Variants in KLF16 observed in about 807,000 individuals in gnomAD.
The protein encoded by KLF16 is KLF transcription factor 16.
A neutral mutation model predicts 6.1 loss-of-function variants in KLF16; 6 were observed. The ratio of observed to expected loss-of-function variants is 0.98; its 90% CI spans 0.54 to 1.93. The LOEUF (loss-of-function observed/expected upper bound fraction) is 1.93, where lower values mean the gene tolerates loss of function less well. Among genes scored for constraint, KLF16 ranks in the 30% most tolerant of loss-of-function variants. KLF16 has a pLI of 0.01. For missense variants in KLF16, 355 were observed against 363.8 expected, an observed-to-expected ratio of 0.98 and a Z score of 0.20; for synonymous variants, 211 against 176.5, an observed-to-expected ratio of 1.20 and a Z score of -1.55.
chr19:1,854,879 C>T (rs2032094311), intron 1 of KLF16, 119 bp from the exon 2 acceptor site: 1 of 1,086,968 alleles, frequency 9.2e-7, no homozygotes, highest in Non-Finnish European at 1.3e-6. Context: ...AGAGGCTGAG[C>T]TCTGGTGTGA....
chr19:1,860,136 C>T (rs1488676245), intron 1 of KLF16: 1 of 151,198 alleles, frequency 6.6e-6, no homozygotes, highest in African/African-American at 2.4e-5. Flanking sequence ...GGGGGCCCTC[C>T]GGGGATGCAG....
chr19:1,861,018 G>C (rs952537229), intron 1 of KLF16, among the ~76,000 whole-genome samples: 4 of 152,086 alleles, frequency 2.6e-5, no homozygotes, highest in African/African-American at 2.4e-5. Flanking sequence ...CAGGGTAGAC[G>C]GTGGCGCGCC....
At chr19:1,872,519 T>C in the KLF16 span, among the ~76,000 whole-genome samples, 1 of 152,142 alleles carries the variant, frequency 6.6e-6, no homozygotes, top group Admixed American at 6.5e-5. Context: ...TCCGTGAGGC[T>C]ATTGGGGAGG....
At position 1,857,701 on chromosome 19, in the gene KLF16, G is replaced by A. The variant is rs527368235; in HGVS notation, c.458-2941C>T. Among the ~76,000 whole-genome samples the A allele has an allele frequency of 6.6e-6, 1 of 152,014 alleles. No homozygotes were observed. The highest frequency in any genetic ancestry group is 1.5e-5 in the Non-Finnish European group (1 of 67,972). On this transcript the variant is annotated intron_variant, in intron 1 of 1. Transcript: ENST00000250916. This position sits in a 1 kb window ranked among gnomAD's most constrained non-coding sequence, Gnocchi z 4.7. Reference sequence around the variant, plus strand: ...GGGGCTGTGGCCGGCTGCCTGCCGGGGCACTCACGTCCACCTAACAGGTGG... The same window carrying A: ...GGGGCTGTGGCCGGCTGCCTGCCGGAGCACTCACGTCCACCTAACAGGTGG...
intron 1 of KLF16, among the ~76,000 whole-genome samples, chr19:1,859,697 AC>A (rs1179041309): frequency 2.6e-5 from 4 of 151,416 alleles, no homozygotes; most frequent in Non-Finnish European, 4.4e-5. Context: ...CCCTGTTGCC[AC>A]CCCCCACCCC....
chr19:1,857,463 C>T lies in KLF16; in HGVS notation c.458-2703G>A, dbSNP rs774991699. ...GGCCGCGGTGGACTTGACCCTCTGA[C>T]TCAGGCTGGGCCCGGGTGAGCTCAG... On this transcript the variant is annotated intron_variant, in intron 1 of 1. Coordinates refer to ENST00000250916, the MANE Select transcript of KLF16 (RefSeq NM_031918.4). The surrounding 1 kb of genome is among the most constrained non-coding windows in gnomAD (Gnocchi z 4.7). 4.6e-5 allele frequency among the ~76,000 whole-genome samples: 7 copies of T among 152,200 alleles called. No homozygotes were observed. Among genetic ancestry groups the T allele is most frequent in the Non-Finnish European group, 8.8e-5 (6 of 68,028 alleles).
At chr19:1,865,981 T>G (rs2145373661), upstream of KLF16, among the ~76,000 whole-genome samples, 1 of 152,180 alleles carries the variant, frequency 6.6e-6, no homozygotes, top group South Asian at 2.1e-4. Flanking sequence ...CGGGGCAACG[T>G]AATGAAACCC....
intron 1 of KLF16, among the ~76,000 whole-genome samples, chr19:1,858,869 G>A (rs973442978): frequency 1.3e-5 from 2 of 151,980 alleles, no homozygotes; most frequent in Non-Finnish European, 2.9e-5. Flanking sequence ...CGCCCCCACA[G>A]CTCACCCTGC....
At chr19:1,856,394 C>T (rs75467743) in intron 1 of KLF16, among the ~76,000 whole-genome samples, 4 of 152,176 alleles carry the variant, frequency 2.6e-5, no homozygotes, top group African/African-American at 9.7e-5. Context: ...TGCCACACCC[C>T]GACACCCTCA....
At chr19:1,873,514 C>T in the KLF16 span, among the ~76,000 whole-genome samples, 1 of 151,834 alleles carries the variant, frequency 6.6e-6, no homozygotes, top group Non-Finnish European at 1.5e-5. Context: ...CACCCAGGGC[C>T]CCGTGCTGGG....
At chr19:1,865,090 C>T (rs1194982158), upstream of KLF16, among the ~76,000 whole-genome samples, 1 of 152,238 alleles carries the variant, frequency 6.6e-6, no homozygotes, top group Non-Finnish European at 1.5e-5. Context: ...CTGGGCTCAA[C>T]CATGCTTGGT....
At chr19:1,864,381 C>T (rs1051286066), upstream of KLF16, among the ~76,000 whole-genome samples, 7 of 152,210 alleles carry the variant, frequency 4.6e-5, no homozygotes, top group East Asian at 3.9e-4. Context: ...CTCACAGAGC[C>T]CCTCGGAGCC....
intron 1 of KLF16, among the ~76,000 whole-genome samples, chr19:1,859,501 C>T (rs1599194012): frequency 6.6e-6 from 1 of 152,196 alleles, no homozygotes; most frequent in Admixed American, 6.5e-5. Context: ...CCGCCCCCAG[C>T]GTCCCCACCC....
chr19:1,872,560 A>C, the KLF16 span, among the ~76,000 whole-genome samples: 3 of 152,084 alleles, frequency 2.0e-5, no homozygotes, highest in South Asian at 6.2e-4. Context: ...CTTATCCTCC[A>C]CGGACACACA....
rs1212320926 is a variant in KLF16, at chr19:1,857,558, G to A, written c.458-2798C>T. Among the ~76,000 whole-genome samples the A allele has an allele frequency of 6.6e-6, 1 of 152,136 alleles. No individual in the cohort carries two copies. The highest frequency in any genetic ancestry group is 1.5e-5 in the Non-Finnish European group (1 of 68,004). On this transcript the variant is annotated intron_variant, in intron 1 of 1. Transcript: ENST00000250916. The surrounding 1 kb of genome is among the most constrained non-coding windows in gnomAD (Gnocchi z 4.7). Reference sequence around the variant, plus strand: ...AGTCCTGGAAACCTGGCCCGGCCCCGTCTGAGCCGGCACAGGAGGGGCCTG... The same window carrying A: ...AGTCCTGGAAACCTGGCCCGGCCCCATCTGAGCCGGCACAGGAGGGGCCTG...
intron 1 of KLF16, among the ~76,000 whole-genome samples, chr19:1,859,411 T>A (rs1441031757): frequency 6.6e-6 from 1 of 151,892 alleles, no homozygotes; most frequent in Non-Finnish European, 1.5e-5. Context: ...CATCTCGTCC[T>A]GCCCTCCTCA....
At chr19:1,867,229 G>A (rs1418825058), upstream of KLF16, among the ~76,000 whole-genome samples, 2 of 152,174 alleles carry the variant, frequency 1.3e-5, no homozygotes, top group Non-Finnish European at 2.9e-5. Flanking sequence ...CACATAACCG[G>A]GGGTGCACCC....
At chr19:1,854,867 T>A in intron 1 of KLF16, 107 bp from the exon 2 acceptor site, 1 of 1,226,676 alleles carries the variant, frequency 8.2e-7, no homozygotes, top group Non-Finnish European at 1.1e-6. Flanking sequence ...CCGTGCCGTT[T>A]TAGAGGCTGA....
the KLF16 span, among the ~76,000 whole-genome samples, chr19:1,868,848 G>C: frequency 6.6e-6 from 1 of 151,940 alleles, no homozygotes; most frequent in Non-Finnish European, 1.5e-5. Context: ...TCATCATGTT[G>C]ACCGGGCTGG....
Sources: gnomAD v4.1 joint callset for allele counts (sites outside exome capture counted in the v4.1 genomes callset) on GRCh38, gnomAD v4.1.1 for gene constraint, Gnocchi (gnomAD v3.1) non-coding constraint, MANE v1.5 for transcripts, NCBI Gene and HGNC (gene_info 2026-07-23, HGNC 2026-07-21) for gene names.